COL28A1: variants seen among roughly 807,000 people sequenced by gnomAD.
The protein encoded by COL28A1 is collagen alpha-1(XXVIII) chain.
COL28A1 carries 161 observed loss-of-function variants against 150.2 expected under a neutral mutation model. The ratio of observed to expected loss-of-function variants is 1.07; its 90% CI spans 0.94 to 1.22. The LOEUF (loss-of-function observed/expected upper bound fraction) is 1.22. Among genes scored for constraint, COL28A1 ranks in the 50% most tolerant of loss-of-function variants. The probability of loss-of-function intolerance (pLI) is 0.00; values close to 1 mark genes in which losing one functional copy is unlikely to be tolerated. For synonymous variants in COL28A1, 552 were observed against 469.7 expected (o/e 1.18, Z -2.26); for missense variants, 1,617 against 1,388.3 (o/e 1.16, Z -2.62).
intron 15 of COL28A1, among the ~76,000 whole-genome samples, chr7:7,473,113 T>G (rs1483113973): frequency 6.6e-6 from 1 of 152,142 alleles, no homozygotes; most frequent in Non-Finnish European, 1.5e-5. Flanking sequence ...AGACATTGGT[T>G]TAGGCAAGGA....
At chr7:7,353,799 T>C (rs1160179168), downstream of COL28A1, among the ~76,000 whole-genome samples, 2 of 152,114 alleles carry the variant, frequency 1.3e-5, no homozygotes, top group African/African-American at 2.4e-5. Flanking sequence ...GAAATGTAAG[T>C]ACTTTTTCTC....
intron 10 of COL28A1, among the ~76,000 whole-genome samples, chr7:7,506,613 C>T (rs907309400): frequency 1.3e-5 from 2 of 152,128 alleles, no homozygotes; most frequent in African/African-American, 2.4e-5. Flanking sequence ...GAGATAAGTT[C>T]CTAGGCTAGG....
intron 33 of COL28A1, among the ~76,000 whole-genome samples, chr7:7,369,269 T>C (rs745441891): frequency 2.6e-5 from 4 of 152,322 alleles, no homozygotes; most frequent in South Asian, 2.1e-4. Flanking sequence ...TGGAATTTAC[T>C]TTAAAATGCA....
chr7:7,484,228 C>T (rs1779503607), intron 13 of COL28A1, among the ~76,000 whole-genome samples: 2 of 151,598 alleles, frequency 1.3e-5, no homozygotes, highest in African/African-American at 4.8e-5. Flanking sequence ...TGAATTACTA[C>T]AAGAAATTAT....
intron 32 of COL28A1, among the ~76,000 whole-genome samples, chr7:7,372,367 C>G (rs1171844560): frequency 6.6e-6 from 1 of 151,084 alleles, no homozygotes; most frequent in Non-Finnish European, 1.5e-5. Context: ...CCACAGCACT[C>G]CAGCATGGTG....
At chr7:7,521,849 T>C (rs1781742560) in intron 5 of COL28A1, 56 bp downstream of exon 5, 1 of 849,386 alleles carries the variant, frequency 1.2e-6, no homozygotes. Flanking sequence ...CAAGAGCGAG[T>C]AGAGCTATCA....
intron 11 of COL28A1, among the ~76,000 whole-genome samples, chr7:7,491,326 G>C (rs73352212): frequency 0.017 from 2,531 of 152,280 alleles, 60 homozygotes; most frequent in African/African-American, 0.058. Flanking sequence ...TGGATGCAAA[G>C]GAGAAAACTG....
rs1212131672 is a variant in COL28A1, at chr7:7,437,512, T to G, written c.1723-50A>C. 5.1e-6 allele frequency: 8 copies of G among 1,582,932 alleles called. No homozygotes were observed. In the African/African-American group the frequency reaches 9.6e-5, roughly 19 times the overall value. On this transcript the variant is annotated intron_variant, in intron 21 of 34. Transcript: ENST00000399429. ...ACATTTCAAGCAGAGAAAGCACATA[T>G]AGAGACAATATTAAGAAAAGTACAG...
At chr7:7,521,772 C>G (rs535214446) in intron 5 of COL28A1, 133 bp downstream of exon 5, 2 of 665,904 alleles carry the variant, frequency 3.0e-6, no homozygotes, top group Non-Finnish European at 5.5e-6. Context: ...AAAGAAGTAG[C>G]ATTTCCATTT....
chr7:7,374,513 G>T (rs1706757771), intron 31 of COL28A1, among the ~76,000 whole-genome samples: 1 of 151,896 alleles, frequency 6.6e-6, no homozygotes, highest in South Asian at 2.1e-4. Flanking sequence ...GCTTTTGAGG[G>T]GAGTAATCCC....
At chr7:7,345,567 T>G in the COL28A1 span, among the ~76,000 whole-genome samples, 6 of 152,108 alleles carry the variant, frequency 3.9e-5, no homozygotes, top group African/African-American at 1.4e-4. Context: ...TTTTGTTTTT[T>G]TGTGTCTTTT....
At chr7:7,527,063 T>A (rs1782063360) in intron 3 of COL28A1, among the ~76,000 whole-genome samples, 1 of 152,250 alleles carries the variant, frequency 6.6e-6, no homozygotes, top group Admixed American at 6.5e-5. Context: ...TATTGCTCTT[T>A]AGAAATATGT....
chr7:7,483,131 A>G (rs2128361977), intron 13 of COL28A1, among the ~76,000 whole-genome samples: 1 of 152,360 alleles, frequency 6.6e-6, no homozygotes, highest in South Asian at 2.1e-4. Flanking sequence ...CCCCATGGTA[A>G]GTCAAGTACC....
chr7:7,481,193 C>T lies in COL28A1; in HGVS notation c.1165-4013G>A, dbSNP rs187376665. On this transcript the variant is annotated intron_variant, in intron 13 of 34. Transcript: ENST00000399429. ...CTTCATTCTCTGCACTTCTAGAGTA[C>T]GTTAGCTAAACTGGAGGTGAAAATA... 3.9e-5 allele frequency among the ~76,000 whole-genome samples: 6 copies of T among 152,266 alleles called. No homozygotes were observed. The East Asian group carries it at 9.6e-4, about 24-fold the overall frequency.
At chr7:7,362,815 T>C (rs575903101) in intron 33 of COL28A1, among the ~76,000 whole-genome samples, 4 of 152,290 alleles carry the variant, frequency 2.6e-5, no homozygotes, top group African/African-American at 9.6e-5. Context: ...ATAATCATTA[T>C]ACTAGAGAAT....
At chr7:7,530,157 G>T (rs1207513704) in intron 3 of COL28A1, among the ~76,000 whole-genome samples, 1 of 152,120 alleles carries the variant, frequency 6.6e-6, no homozygotes, top group Non-Finnish European at 1.5e-5. Context: ...AAACTGTGAG[G>T]TCTTCACCGG....
intron 33 of COL28A1, 22 bp from the exon 34 acceptor site, chr7:7,360,550 T>C: frequency 6.3e-7 from 1 of 1,587,466 alleles, no homozygotes. Flanking sequence ...TATTCACATT[T>C]TGTGTTTCTG....
At chr7:7,522,866 A>T (rs957794362) in intron 4 of COL28A1, among the ~76,000 whole-genome samples, 2 of 149,346 alleles carry the variant, frequency 1.3e-5, no homozygotes, top group African/African-American at 2.5e-5. Context: ...TAACGTTTTT[A>T]AAAAGTTTAT....
chr7:7,487,288 A>G (rs74340761), intron 13 of COL28A1, among the ~76,000 whole-genome samples: 1 of 152,062 alleles, frequency 6.6e-6, no homozygotes, highest in Non-Finnish European at 1.5e-5. Flanking sequence ...ATATTTAAAA[A>G]TTTTTTACGC....
Sources: allele counts gnomAD v4.1 joint callset (sites outside exome capture counted in the v4.1 genomes callset), GRCh38; gene constraint gnomAD v4.1.1; transcripts MANE v1.5; gene names NCBI Gene and HGNC (gene_info 2026-07-23, HGNC 2026-07-21).